SEMA3A: variants seen among roughly 807,000 people sequenced by gnomAD.
The protein encoded by SEMA3A is semaphorin-3A.
SEMA3A carries 29 observed loss-of-function variants against 97.9 expected under a neutral mutation model. The ratio of observed to expected loss-of-function variants is 0.30; its 90% CI spans 0.22 to 0.40. The LOEUF is 0.40. SEMA3A is among the 10% of genes least tolerant of loss of function. SEMA3A has a pLI of 1.00. For missense variants in SEMA3A, 763 were observed against 951.3 expected (o/e 0.80, Z 2.60); for synonymous variants, 321 against 323.7 (o/e 0.99, Z 0.09).
At chr7:84,439,060 A>G (rs979114771) in intron 1 of SEMA3A, among the ~76,000 whole-genome samples, 1 of 151,818 alleles carries the variant, frequency 6.6e-6, no homozygotes, top group African/African-American at 2.4e-5. Flanking sequence ...TTAAAAGAGT[A>G]TCAACTTCTA....
chr7:84,261,476 C>T (rs559356918), intron 3 of SEMA3A, among the ~76,000 whole-genome samples: 21 of 152,292 alleles, frequency 1.4e-4, no homozygotes, highest in Non-Finnish European at 2.4e-4. Flanking sequence ...GGCTGTAATA[C>T]GTTATTTGGG....
intron 2 of SEMA3A, among the ~76,000 whole-genome samples, chr7:84,371,003 G>A (rs1272838423): frequency 1.3e-5 from 2 of 150,604 alleles, no homozygotes; most frequent in Non-Finnish European, 3.0e-5. Flanking sequence ...GGAGGGAGAG[G>A]GAGGAGGTAA....
At chr7:84,222,036 C>A (rs984854988) in intron 3 of SEMA3A, among the ~76,000 whole-genome samples, 1 of 151,916 alleles carries the variant, frequency 6.6e-6, no homozygotes, top group African/African-American at 2.4e-5. Flanking sequence ...TCATATGGTT[C>A]TCTACAGTAT....
At chr7:84,335,315 C>T (rs1802009632) in intron 2 of SEMA3A, among the ~76,000 whole-genome samples, 1 of 152,066 alleles carries the variant, frequency 6.6e-6, no homozygotes. Flanking sequence ...ACAAATTTTG[C>T]ACCTTTATTC....
At chr7:84,433,643 G>T (rs1805046539) in intron 1 of SEMA3A, among the ~76,000 whole-genome samples, 1 of 152,062 alleles carries the variant, frequency 6.6e-6, no homozygotes, top group Admixed American at 6.5e-5. Flanking sequence ...GATCCTTGAG[G>T]AATTGCCATA....
At chr7:84,339,405 C>T (rs967130781) in intron 2 of SEMA3A, among the ~76,000 whole-genome samples, 1 of 152,018 alleles carries the variant, frequency 6.6e-6, no homozygotes, top group Non-Finnish European at 1.5e-5. Context: ...GTGTATCTGC[C>T]TTTGTGGGTC....
chr7:84,034,936 A>G (rs1791888285), intron 6 of SEMA3A, among the ~76,000 whole-genome samples: 1 of 152,148 alleles, frequency 6.6e-6, no homozygotes, highest in Non-Finnish European at 1.5e-5. Flanking sequence ...TATTAGCACA[A>G]AGAAACGGTT....
intron 1 of SEMA3A, among the ~76,000 whole-genome samples, chr7:84,191,218 C>T (rs1306728889): frequency 1.4e-5 from 2 of 144,590 alleles, no homozygotes; most frequent in African/African-American, 5.1e-5. Context: ...ATAATAATAC[C>T]TTGACTCTGA....
chr7:84,435,057 G>C (rs1805088740), intron 1 of SEMA3A, among the ~76,000 whole-genome samples: 1 of 152,106 alleles, frequency 6.6e-6, no homozygotes, highest in African/African-American at 2.4e-5. Context: ...AAAACAAGTA[G>C]TCAAACTATA....
chr7:84,156,871 T>C (rs1248798156), intron 1 of SEMA3A, among the ~76,000 whole-genome samples: 1 of 152,164 alleles, frequency 6.6e-6, no homozygotes, highest in African/African-American at 2.4e-5. Flanking sequence ...CCAGAGCTGG[T>C]TTTACAATGT....
At chr7:84,056,704 G>A (rs1792996391) in intron 5 of SEMA3A, among the ~76,000 whole-genome samples, 1 of 151,956 alleles carries the variant, frequency 6.6e-6, no homozygotes, top group Non-Finnish European at 1.5e-5. Context: ...TATTTATTGA[G>A]CACCTTCTCT....
At chr7:84,413,274 G>T (rs905904685) in intron 1 of SEMA3A, among the ~76,000 whole-genome samples, 8 of 152,068 alleles carry the variant, frequency 5.3e-5, no homozygotes, top group Admixed American at 2.6e-4. Context: ...CATTCTTAAA[G>T]ATTTTATAGG....
chr7:84,180,456 G>A (rs1797707828), intron 1 of SEMA3A, among the ~76,000 whole-genome samples: 1 of 152,102 alleles, frequency 6.6e-6, no homozygotes, highest in Non-Finnish European at 1.5e-5. Flanking sequence ...GGGAGGCCGA[G>A]GCAGGTGGAT....
chr7:84,425,386 A>C (rs1449330078), intron 1 of SEMA3A, among the ~76,000 whole-genome samples: 1 of 132,498 alleles, frequency 7.5e-6, no homozygotes, highest in Non-Finnish European at 1.5e-5. Context: ...AAATATATGC[A>C]TATAATATAT....
chr7:84,284,271 C>T (rs923351962), intron 3 of SEMA3A, among the ~76,000 whole-genome samples: 1 of 152,118 alleles, frequency 6.6e-6, no homozygotes, highest in African/African-American at 2.4e-5. Context: ...TTGGTAAAAA[C>T]AGCAAAGGGA....
intron 1 of SEMA3A, among the ~76,000 whole-genome samples, chr7:84,468,227 T>C (rs542398193): frequency 6.6e-6 from 1 of 152,226 alleles, no homozygotes; most frequent in Non-Finnish European, 1.5e-5. Context: ...TTGCATTTCT[T>C]ACTTGTGCAA....
intron 2 of SEMA3A, among the ~76,000 whole-genome samples, chr7:84,133,922 C>T (rs1584015752): frequency 1.4e-5 from 2 of 147,520 alleles, no homozygotes; most frequent in Non-Finnish European, 3.0e-5. Context: ...ATTAGCCGGG[C>T]GTGGTGGCAG....
At chr7:84,180,164 T>C (rs1797697664) in intron 1 of SEMA3A, among the ~76,000 whole-genome samples, 1 of 150,822 alleles carries the variant, frequency 6.6e-6, no homozygotes, top group South Asian at 2.1e-4. Context: ...CAGGCTGGTC[T>C]CTAACTCCCG....
intron 2 of SEMA3A, among the ~76,000 whole-genome samples, chr7:84,354,839 AGAGAT>A (rs1296215362): frequency 6.6e-6 from 1 of 151,776 alleles, no homozygotes. Flanking sequence ...AGAACATGGA[AGAGAT>A]AAGTATACTT....
Sources: gnomAD v4.1 joint callset for allele counts (sites outside exome capture counted in the v4.1 genomes callset) on GRCh38, gnomAD v4.1.1 for gene constraint, MANE v1.5 for transcripts, NCBI Gene and HGNC (gene_info 2026-07-23, HGNC 2026-07-21) for gene names.